Variants in UBXN11 observed in about 807,000 individuals in gnomAD.
UBXN11 encodes UBX domain-containing protein 11.
A neutral mutation model predicts 62.8 loss-of-function variants in UBXN11; 47 were observed. The observed-to-expected ratio is 0.75, with a 90% CI of 0.59 to 0.95. The LOEUF is 0.95. UBXN11 is among the 40% of genes least tolerant of loss of function. The probability of loss-of-function intolerance (pLI) is 0.00; values close to 1 mark genes in which losing one functional copy is unlikely to be tolerated. For synonymous variants in UBXN11, 294 were observed against 267.0 expected (o/e 1.10, Z -0.99); for missense variants, 638 against 661.7 (o/e 0.96, Z 0.39).
intron 1 of UBXN11, among the ~76,000 whole-genome samples, chr1:26,311,957 C>T (rs2073748399): frequency 6.6e-6 from 1 of 152,188 alleles, no homozygotes; most frequent in Non-Finnish European, 1.5e-5. Flanking sequence ...CCCACATCAC[C>T]ACCACCTTAG....
rs535746797 is a variant in UBXN11 at position 26,317,612 on chromosome 1, C to T, written c.-149+435G>A. On this transcript the variant is annotated intron_variant, in intron 1 of 14. Coordinates refer to the UBXN11 transcript ENST00000374217. ...AAATTGGTTATTATTACATGTAATC[C>T]GGCAGTTCTTTTGTTAAAGGGTCAG... is the stretch of plus-strand genomic sequence containing the variant. Among the ~76,000 whole-genome samples, 9 of 152,200 alleles carry T rather than the reference C, an allele frequency of 5.9e-5. No individual in the cohort carries two copies. The East Asian group carries it at 9.6e-4, about 16-fold the overall frequency.
chr1:26,317,029 G>T (rs947116411), intron 1 of UBXN11, among the ~76,000 whole-genome samples: 1 of 149,048 alleles, frequency 6.7e-6, no homozygotes, highest in Admixed American at 6.7e-5. Flanking sequence ...AGGCATTCGA[G>T]ACTAGCCTAG....
intron 12 of UBXN11, among the ~76,000 whole-genome samples, chr1:26,283,145 C>A (rs1250802867): frequency 2.0e-5 from 3 of 151,988 alleles, no homozygotes; most frequent in African/African-American, 7.3e-5. Flanking sequence ...CCCCAGGTAA[C>A]CCCCCGTTTC....
At chr1:26,306,838 G>GCTGGCGGGGGGA (rs1557692099), upstream of UBXN11, 1 of 40,952 alleles carries the variant, frequency 2.4e-5, no homozygotes, top group African/African-American at 6.9e-5. Context: ...GTGGGGGGGG[G>GCTGGCGGGGGGA]GGGTGGTTCG....
At chr1:26,286,615 G>A (rs977151368) in intron 8 of UBXN11, among the ~76,000 whole-genome samples, 18 of 152,304 alleles carry the variant, frequency 1.2e-4, no homozygotes, top group Middle Eastern at 3.4e-3. Context: ...CTTGGAACAC[G>A]CACCCTGTCC....
chr1:26,301,912 T>C (rs944493582), intron 2 of UBXN11, among the ~76,000 whole-genome samples, 190 bp from the exon 3 acceptor site: 3 of 151,964 alleles, frequency 2.0e-5, no homozygotes, highest in African/African-American at 4.8e-5. Context: ...GGCTTCGAGG[T>C]GTCTGACTTC....
At chr1:26,294,148 A>G in intron 8 of UBXN11, 57 bp downstream of exon 8, 4 of 1,601,080 alleles carry the variant, frequency 2.5e-6, no homozygotes, top group Non-Finnish European at 3.4e-6. Flanking sequence ...GCCGGCCAAC[A>G]GCAAACTGTT....
At chr1:26,291,878 C>T (rs1441820058) in intron 8 of UBXN11, among the ~76,000 whole-genome samples, 1 of 152,218 alleles carries the variant, frequency 6.6e-6, no homozygotes, top group Non-Finnish European at 1.5e-5. Context: ...CCCTTCCTAG[C>T]ATCATAGGGA....
chr1:26,306,834 G>GGGGTT (rs1553165096), upstream of UBXN11: 143 of 40,162 alleles, frequency 3.6e-3, 1 homozygote, highest in Non-Finnish European at 5.3e-3. Context: ...CGGGGTGGGG[G>GGGGTT]GGGGGGGTGG....
chr1:26,316,101 G>T (rs148191484), intron 1 of UBXN11, among the ~76,000 whole-genome samples: 44 of 149,496 alleles, frequency 2.9e-4, no homozygotes, highest in Middle Eastern at 3.5e-3. Context: ...TGAGACTATA[G>T]GTTTGTGCCA....
chr1:26,296,221 A>T lies in UBXN11; in HGVS notation c.432+698T>A, dbSNP rs1241297643. On this transcript the variant is annotated intron_variant, in intron 7 of 14. Coordinates refer to ENST00000374222, the MANE Select transcript of UBXN11 (RefSeq NM_001389556.1). Reference sequence around the variant, plus strand: ...ATGGGTCTGTGAGCGGGGGAAAGAAAGGTGACTGGGGTCACTGAGTCCCCA... The same window carrying T: ...ATGGGTCTGTGAGCGGGGGAAAGAATGGTGACTGGGGTCACTGAGTCCCCA... 3.9e-5 allele frequency among the ~76,000 whole-genome samples: 6 copies of T among 152,326 alleles called. No individual in the cohort carries two copies. The East Asian group carries it at 9.7e-4, about 25-fold the overall frequency.
chr1:26,306,158 G>C (rs2073662455), intron 1 of UBXN11: 1 of 152,286 alleles, frequency 6.6e-6, no homozygotes, highest in Admixed American at 6.5e-5. Flanking sequence ...GGGCAGGACT[G>C]TGACTACCCC....
At chr1:26,309,551 T>A (rs569165931), upstream of UBXN11, among the ~76,000 whole-genome samples, 43 of 152,278 alleles carry the variant, frequency 2.8e-4, no homozygotes, top group Middle Eastern at 3.4e-3. Flanking sequence ...TTGATTTTTT[T>A]TAAAAAAATA....
At chr1:26,284,927 C>T (rs934148362) in intron 10 of UBXN11, 3 of 1,002,176 alleles carry the variant, frequency 3.0e-6, no homozygotes, top group Non-Finnish European at 3.6e-6. Context: ...CATGCTGTTT[C>T]CTGAGCCCTG....
At chr1:26,308,261 C>A, upstream of UBXN11, among the ~76,000 whole-genome samples, 1 of 54,544 alleles carries the variant, frequency 1.8e-5, no homozygotes, top group African/African-American at 6.8e-5. Context: ...GAGTGAAACT[C>A]TGTCAAAAAA....
chr1:26,287,484 G>A (rs2073159356), intron 8 of UBXN11, among the ~76,000 whole-genome samples: 1 of 151,790 alleles, frequency 6.6e-6, no homozygotes. Flanking sequence ...TAAGTCATCT[G>A]TTTGGGTGTG....
intron 10 of UBXN11, 122 bp downstream of exon 10, chr1:26,285,342 C>G (rs1220862938): frequency 1.3e-6 from 2 of 1,529,064 alleles, no homozygotes; most frequent in South Asian, 2.4e-5. Flanking sequence ...TGGAGGGCAT[C>G]AGACTGGGGT....
In UBXN11 at chr1:26,301,694, C is replaced by T. The variant is rs768582909; in HGVS notation, c.100G>A (p.Glu34Lys). ...GGGCACGAGGGCGGGGCACACTTAC[C>T]ATCTCCATAGATGCGGATTCCTCGC... ...GRRGIRIYGD[E>K]DEVDMLSDGC... Residue 34 changes from glutamate (E) to lysine (K), a missense_variant and splice_region_variant, in exon 3 of 15, where the codon GAA becomes AAA. By Grantham distance (56) the Glu-to-Lys change is moderately conservative. Coordinates refer to ENST00000374222, the MANE Select transcript of UBXN11 (RefSeq NM_001389556.1). 1 of 1,613,950 alleles carries T rather than the reference C, an allele frequency of 6.2e-7. No homozygotes were observed. The highest frequency in any genetic ancestry group is 8.5e-7 in the Non-Finnish European group (1 of 1,179,918).
rs111338869 is a variant in UBXN11 at position 26,317,623 on chromosome 1, T to C, written c.-149+424A>G. Among the ~76,000 whole-genome samples, 1,073 of 152,296 alleles carry C rather than the reference T, an allele frequency of 7.0e-3. 16 individuals are homozygous for C. The highest frequency in any genetic ancestry group is 0.025 in the African/African-American group (1,044 of 41,552). ...TATTACATGTAATCCGGCAGTTCTT[T>C]TGTTAAAGGGTCAGAGAGGTAGAGT... On this transcript the variant is annotated intron_variant, in intron 1 of 14. Coordinates refer to the UBXN11 transcript ENST00000374217.
Sources: allele counts gnomAD v4.1 joint callset (sites outside exome capture counted in the v4.1 genomes callset), GRCh38; gene constraint gnomAD v4.1.1; transcripts MANE v1.5; gene names NCBI Gene and HGNC (gene_info 2026-07-23, HGNC 2026-07-21).